Variants in C8orf34 observed in about 807,000 individuals in gnomAD.
The protein encoded by C8orf34 is chromosome 8 open reading frame 34, also known as uncharacterized protein C8orf34.
A neutral mutation model predicts 68.3 loss-of-function variants in C8orf34; 65 were observed. That is an observed-to-expected ratio of 0.95 (90% CI 0.78 to 1.17). The LOEUF (loss-of-function observed/expected upper bound fraction) is 1.17. C8orf34 is among the 50% of genes most tolerant of loss of function. The pLI is 0.00. For missense variants in C8orf34, 664 were observed against 655.4 expected, an observed-to-expected ratio of 1.01 and a Z score of -0.14; for synonymous variants, 244 against 241.2, an observed-to-expected ratio of 1.01 and a Z score of -0.11.
intron 1 of C8orf34, among the ~76,000 whole-genome samples, chr8:68,432,219 T>C (rs28377624): frequency 0.4 from 59,186 of 148,994 alleles, 11,989 homozygotes; most frequent in South Asian, 0.46. Flanking sequence ...TTATGCATCT[T>C]GTATGCAATT....
intron 7 of C8orf34, among the ~76,000 whole-genome samples, chr8:68,586,776 A>G (rs1817221834): frequency 6.6e-6 from 1 of 152,148 alleles, no homozygotes; most frequent in Admixed American, 6.6e-5. Flanking sequence ...GAGTTTCTCA[A>G]AACTTCTTTT....
At chr8:68,510,353 A>G (rs941174650) in intron 5 of C8orf34, among the ~76,000 whole-genome samples, 1 of 152,184 alleles carries the variant, frequency 6.6e-6, no homozygotes, top group African/African-American at 2.4e-5. Context: ...CTTTCCCAAA[A>G]GGAAACCTCT....
intron 7 of C8orf34, among the ~76,000 whole-genome samples, chr8:68,628,509 C>G (rs2130681493): frequency 6.6e-6 from 1 of 152,262 alleles, no homozygotes; most frequent in Non-Finnish European, 1.5e-5. Flanking sequence ...TTAAACTTGT[C>G]TAAGTCCCGA....
intron 1 of C8orf34, among the ~76,000 whole-genome samples, chr8:68,418,598 AACCAAAACAGCATGGTACTGGT>A (rs1347650407): frequency 6.6e-6 from 1 of 152,178 alleles, no homozygotes; most frequent in Non-Finnish European, 1.5e-5. Flanking sequence ...GGATTACAGT[AACCAAAACAGCATGGTACTGGT>A]ACCAAAACAG....
At chr8:68,464,074 G>A (rs1811986917) in intron 3 of C8orf34, among the ~76,000 whole-genome samples, 1 of 152,106 alleles carries the variant, frequency 6.6e-6, no homozygotes, top group African/African-American at 2.4e-5. Context: ...TCCTTAAGCT[G>A]ATAAGCAACT....
intron 10 of C8orf34, 33 bp from the exon 11 acceptor site, chr8:68,776,366 A>C: frequency 6.4e-7 from 1 of 1,558,072 alleles, no homozygotes. Context: ...CCTTCTCCTG[A>C]CCTTTTCAAC....
chr8:68,368,731 C>G (rs72664914), intron 1 of C8orf34, among the ~76,000 whole-genome samples: 1 of 152,050 alleles, frequency 6.6e-6, no homozygotes, highest in African/African-American at 2.4e-5. Context: ...TGATTTTTTT[C>G]CCTTTATTCT....
chr8:68,520,617 A>ATT lies in C8orf34; in HGVS notation c.766-1164_766-1163dup, dbSNP rs34335751. On this transcript the variant is annotated intron_variant, in intron 5 of 13. Coordinates refer to ENST00000518698, the MANE Select transcript of C8orf34 (RefSeq NM_052958.4). ...AGGTGCCCGCCATCACGCCCGGCTAATTTTTTTTTTTTTTTTTTTGTATTT... is the reference window on the plus strand; with the variant it reads ...AGGTGCCCGCCATCACGCCCGGCTAATTTTTTTTTTTTTTTTTTTTTGTATTT... 5.4e-4 allele frequency among the ~76,000 whole-genome samples: 73 copies of ATT among 134,238 alleles called. 2 individuals are homozygous for ATT. The highest frequency in any genetic ancestry group is 2.8e-3 in the East Asian group (13 of 4,582). 88.1% of individuals were successfully genotyped at this position (134,238 alleles called of 152,430 possible). A position where few individuals can be genotyped will look rare whatever the true frequency, so the allele number is the denominator to read the frequency against.
At chr8:68,403,730 T>A (rs1446365842) in intron 1 of C8orf34, among the ~76,000 whole-genome samples, 2 of 152,204 alleles carry the variant, frequency 1.3e-5, no homozygotes, top group Non-Finnish European at 2.9e-5. Flanking sequence ...TTTTTATGGC[T>A]GCATAGTATT....
intron 7 of C8orf34, among the ~76,000 whole-genome samples, chr8:68,551,042 T>C (rs566271340): frequency 2.6e-5 from 4 of 151,996 alleles, no homozygotes; most frequent in African/African-American, 9.6e-5. Flanking sequence ...GATCTGTGGC[T>C]TCGTGTCTGA....
At chr8:68,578,951 C>T (rs889718453) in intron 7 of C8orf34, among the ~76,000 whole-genome samples, 27 of 152,026 alleles carry the variant, frequency 1.8e-4, no homozygotes, top group South Asian at 1.0e-3. Context: ...TATCAATCCT[C>T]GGCGATTTAG....
chr8:68,390,200 G>A (rs1808424516), intron 1 of C8orf34, among the ~76,000 whole-genome samples: 1 of 152,130 alleles, frequency 6.6e-6, no homozygotes, highest in Non-Finnish European at 1.5e-5. Flanking sequence ...AAGGACGTGA[G>A]GGCCCCTGTC....
chr8:68,623,367 G>A (rs939694524), intron 7 of C8orf34, among the ~76,000 whole-genome samples: 1 of 152,048 alleles, frequency 6.6e-6, no homozygotes, highest in Admixed American at 6.6e-5. Flanking sequence ...TCTTACTTGT[G>A]GGGGGCTGGC....
At chr8:68,809,698 C>A (rs1770859852) in intron 12 of C8orf34, among the ~76,000 whole-genome samples, 1 of 152,174 alleles carries the variant, frequency 6.6e-6, no homozygotes, top group Admixed American at 6.5e-5. Flanking sequence ...CCCAACCTAC[C>A]TCCTTTTTCC....
chr8:68,408,339 TAATATAAATA>T (rs1809291707), intron 1 of C8orf34, among the ~76,000 whole-genome samples: 1 of 151,550 alleles, frequency 6.6e-6, no homozygotes, highest in Admixed American at 6.6e-5. Context: ...AATGTAATAA[TAATATAAATA>T]AAGTACACAA....
At chr8:68,568,880 C>T (rs781208180) in intron 7 of C8orf34, among the ~76,000 whole-genome samples, 2 of 151,248 alleles carry the variant, frequency 1.3e-5, no homozygotes, top group Non-Finnish European at 2.9e-5. Context: ...GCCATACCGT[C>T]TCTCTTGCGC....
intron 12 of C8orf34, among the ~76,000 whole-genome samples, chr8:68,812,955 T>G (rs919270956): frequency 4.6e-5 from 7 of 152,206 alleles, no homozygotes; most frequent in African/African-American, 1.7e-4. Context: ...GTGCTGTTCT[T>G]CTGTAGTAAT....
intron 5 of C8orf34, among the ~76,000 whole-genome samples, chr8:68,495,328 A>G (rs1813481488): frequency 1.3e-5 from 2 of 151,868 alleles, no homozygotes; most frequent in African/African-American, 2.4e-5. Context: ...TAAATTCTAG[A>G]CCTTGGACTA....
chr8:68,672,807 G>A (rs1244951273), intron 8 of C8orf34, among the ~76,000 whole-genome samples: 2 of 152,164 alleles, frequency 1.3e-5, no homozygotes, highest in African/African-American at 2.4e-5. Context: ...AGGAGTGCTT[G>A]CACTATTCCT....
Sources: allele counts gnomAD v4.1 joint callset (sites outside exome capture counted in the v4.1 genomes callset), GRCh38; gene constraint gnomAD v4.1.1; transcripts MANE v1.5; gene names NCBI Gene and HGNC (gene_info 2026-07-23, HGNC 2026-07-21).